Variants in RBFOX1 observed in about 807,000 individuals in gnomAD.
RBFOX1 encodes the protein RNA binding protein fox-1 homolog 1.
Under a neutral mutation model 57.7 loss-of-function variants are expected in RBFOX1, and 8 were observed. That is an observed-to-expected ratio of 0.14 (90% CI 0.08 to 0.25). The LOEUF (loss-of-function observed/expected upper bound fraction) is 0.25. Among genes scored for constraint, RBFOX1 ranks in the 10% least tolerant of loss-of-function variants. The pLI, the probability that RBFOX1 is intolerant of heterozygous loss-of-function variation, is 1.00. For missense variants in RBFOX1, 611 were observed against 548.5 expected (o/e 1.11, Z -1.14); for synonymous variants, 326 against 222.4 (o/e 1.47, Z -4.15).
At chr16:7,465,186 A>G (rs2060282724) in intron 4 of RBFOX1, among the ~76,000 whole-genome samples, 1 of 152,160 alleles carries the variant, frequency 6.6e-6, no homozygotes, top group Non-Finnish European at 1.5e-5. Flanking sequence ...GACATTCTTT[A>G]CAAACCTAGC....
At chr16:5,918,309 G>A (rs140534921) in intron 4 of RBFOX1, among the ~76,000 whole-genome samples, 10 of 152,110 alleles carry the variant, frequency 6.6e-5, no homozygotes, top group East Asian at 3.9e-4. Flanking sequence ...TAGTACAGAC[G>A]GGGTTTCACC....
intron 1 of RBFOX1, among the ~76,000 whole-genome samples, chr16:5,402,614 C>G (rs1375923198): frequency 6.6e-6 from 1 of 152,216 alleles, no homozygotes; most frequent in African/African-American, 2.4e-5. Context: ...AGTATACAGT[C>G]ATATGATTCG....
At chr16:7,126,385 T>A (rs370210573) in intron 4 of RBFOX1, 61 of 242,680 alleles carry the variant, frequency 2.5e-4, no homozygotes, top group African/African-American at 1.3e-3. Flanking sequence ...CAAGATCAAT[T>A]CCTGACTACT....
At chr16:5,976,891 C>T (rs1199347564) in intron 4 of RBFOX1, among the ~76,000 whole-genome samples, 1 of 152,080 alleles carries the variant, frequency 6.6e-6, no homozygotes, top group Non-Finnish European at 1.5e-5. Context: ...TAAGGTCTTG[C>T]TAAAGATGAT....
chr16:5,820,493 G>A (rs902099457), intron 3 of RBFOX1, among the ~76,000 whole-genome samples: 4 of 152,102 alleles, frequency 2.6e-5, no homozygotes, highest in African/African-American at 7.2e-5. Flanking sequence ...CTGCCCGCAC[G>A]TTTCTAGCCA....
chr16:5,722,546 G>C (rs1194582137), intron 3 of RBFOX1, among the ~76,000 whole-genome samples: 1 of 152,148 alleles, frequency 6.6e-6, no homozygotes, highest in East Asian at 1.9e-4. Flanking sequence ...AGACACCTGA[G>C]ACCTGTATTG....
chr16:6,326,018 G>GT (rs2082329669), intron 2 of RBFOX1, among the ~76,000 whole-genome samples: 1 of 152,204 alleles, frequency 6.6e-6, no homozygotes, highest in African/African-American at 2.4e-5. Flanking sequence ...ACTTGTGTGC[G>GT]TGAGTGTGTG....
intron 1 of RBFOX1, among the ~76,000 whole-genome samples, chr16:6,212,591 C>T (rs2097305609): frequency 6.6e-6 from 1 of 152,026 alleles, no homozygotes; most frequent in African/African-American, 2.4e-5. Flanking sequence ...CCTGTAGTCC[C>T]AGCTACTTGG....
At chr16:5,813,966 A>C (rs2055528371) in intron 3 of RBFOX1, among the ~76,000 whole-genome samples, 1 of 152,248 alleles carries the variant, frequency 6.6e-6, no homozygotes, top group South Asian at 2.1e-4. Context: ...TATGGCAAAA[A>C]CCACAATTAC....
intron 1 of RBFOX1, among the ~76,000 whole-genome samples, chr16:6,082,176 C>CTTTTTTTTT (rs58215856): frequency 1.1e-5 from 1 of 89,908 alleles, no homozygotes; most frequent in African/African-American, 5.4e-5. Flanking sequence ...AATACCAGTG[C>CTTTTTTTTT]TTTTTTTTTT....
chr16:6,159,759 T>A (rs8045413), intron 1 of RBFOX1, among the ~76,000 whole-genome samples: 87,062 of 152,086 alleles, frequency 0.57, 26,216 homozygotes, highest in Admixed American at 0.71. Context: ...CGCAGGGATG[T>A]GATTTGGTTC....
At chr16:6,963,134 C>T (rs2083373966) in intron 3 of RBFOX1, among the ~76,000 whole-genome samples, 1 of 152,112 alleles carries the variant, frequency 6.6e-6, no homozygotes, top group Non-Finnish European at 1.5e-5. Context: ...GTGCAGGACT[C>T]TTTGGGGTTC....
intron 1 of RBFOX1, among the ~76,000 whole-genome samples, chr16:5,337,410 G>T (rs894027476): frequency 2.0e-5 from 3 of 152,160 alleles, no homozygotes; most frequent in African/African-American, 4.8e-5. Flanking sequence ...TTCAGACAAG[G>T]TGATTTGTTT....
intron 2 of RBFOX1, among the ~76,000 whole-genome samples, chr16:6,597,798 A>C (rs1010529516): frequency 6.6e-6 from 1 of 152,168 alleles, no homozygotes; most frequent in Non-Finnish European, 1.5e-5. Flanking sequence ...ATAAGCAGCC[A>C]CCTTTTTCTG....
At chr16:5,680,932 G>T (rs754159187) in intron 3 of RBFOX1, among the ~76,000 whole-genome samples, 1 of 151,972 alleles carries the variant, frequency 6.6e-6, no homozygotes, top group Admixed American at 6.6e-5. Context: ...GGGGGCAGGG[G>T]TGCAGCAGCT....
At chr16:5,795,347 T>C (rs2054841932) in intron 3 of RBFOX1, among the ~76,000 whole-genome samples, 1 of 152,062 alleles carries the variant, frequency 6.6e-6, no homozygotes, top group Admixed American at 6.6e-5. Context: ...TCTGTTACCC[T>C]GGCTGGAGTG....
At chr16:6,871,917 G>C (rs1431667831) in intron 3 of RBFOX1, among the ~76,000 whole-genome samples, 2 of 56,650 alleles carry the variant, frequency 3.5e-5, no homozygotes, top group Non-Finnish European at 1.1e-4. Context: ...GAGTCTGTGT[G>C]TGTGTGTGTG....
intron 4 of RBFOX1, among the ~76,000 whole-genome samples, chr16:5,954,669 A>T (rs1180965809): frequency 6.6e-6 from 1 of 151,888 alleles, no homozygotes; most frequent in South Asian, 2.1e-4. Context: ...GCAGTCAGTA[A>T]TCACCCCTTA....
intron 2 of RBFOX1, among the ~76,000 whole-genome samples, chr16:5,558,310 G>T (rs2045757072): frequency 6.6e-6 from 1 of 152,130 alleles, no homozygotes; most frequent in South Asian, 2.1e-4. Context: ...ACTGGGCTTT[G>T]GGAGTTCTTA....
Sources: allele counts gnomAD v4.1 joint callset (sites outside exome capture counted in the v4.1 genomes callset), GRCh38; gene constraint gnomAD v4.1.1; transcripts MANE v1.5; gene names NCBI Gene and HGNC (gene_info 2026-07-23, HGNC 2026-07-21).